CFAP299: variants seen among roughly 807,000 people sequenced by gnomAD.
The protein encoded by CFAP299 is cilia and flagella associated protein 299, also known as cilia- and flagella-associated protein 299.
CFAP299 carries 21 observed loss-of-function variants against 27.0 expected under a neutral mutation model. That is an observed-to-expected ratio of 0.78 (90% confidence interval 0.55 to 1.12). The LOEUF is 1.12. Ranked by LOEUF, CFAP299 falls within the 50% of genes most tolerant of loss-of-function variation. The pLI is 0.00. For missense variants in CFAP299, 310 were observed against 276.6 expected (o/e 1.12, Z -0.86); for synonymous variants, 104 against 98.1 (o/e 1.06, Z -0.36).
chr4:80,696,289 G>A (rs1325870548), intron 3 of CFAP299, among the ~76,000 whole-genome samples: 3 of 53,168 alleles, frequency 5.6e-5, no homozygotes, highest in African/African-American at 5.5e-5. Context: ...ACAGAGCTCC[G>A]TCTCAAAAAA....
intron 4 of CFAP299, among the ~76,000 whole-genome samples, chr4:80,886,353 C>T (rs1481154978): frequency 6.6e-6 from 1 of 152,170 alleles, no homozygotes; most frequent in African/African-American, 2.4e-5. Flanking sequence ...AGCACAGTTC[C>T]AATGATGGTG....
chr4:80,324,371 T>C, the CFAP299 span, among the ~76,000 whole-genome samples: 5 of 152,320 alleles, frequency 3.3e-5, no homozygotes, highest in South Asian at 1.0e-3. Flanking sequence ...GCAATCAATT[T>C]TTATTGTCAG....
chr4:80,518,138 A>C (rs2110171193), intron 2 of CFAP299, among the ~76,000 whole-genome samples: 1 of 152,240 alleles, frequency 6.6e-6, no homozygotes, highest in South Asian at 2.1e-4. Flanking sequence ...GGCAGAGATT[A>C]ATCTGAGAGA....
At chr4:80,689,366 G>A (rs576351231) in intron 3 of CFAP299, among the ~76,000 whole-genome samples, 2 of 152,332 alleles carry the variant, frequency 1.3e-5, no homozygotes, top group East Asian at 3.9e-4. Context: ...CTACAAGCCA[G>A]AACAGAGTGG....
At chr4:80,740,746 C>T (rs1316149383) in intron 3 of CFAP299, among the ~76,000 whole-genome samples, 3 of 152,188 alleles carry the variant, frequency 2.0e-5, no homozygotes, top group Admixed American at 2.0e-4. Flanking sequence ...AACGACAATG[C>T]AAAGTCTTTC....
At chr4:80,708,134 C>T (rs1415783891) in intron 3 of CFAP299, among the ~76,000 whole-genome samples, 1 of 152,004 alleles carries the variant, frequency 6.6e-6, no homozygotes. Flanking sequence ...AAGTGCAACT[C>T]TTGGCATGTT....
chr4:80,651,449 T>G (rs972804735), intron 3 of CFAP299, among the ~76,000 whole-genome samples: 13 of 151,000 alleles, frequency 8.6e-5, no homozygotes, highest in African/African-American at 3.2e-4. Context: ...CACTGAAGTC[T>G]CGACCTCCTG....
chr4:80,583,038 G>T, intron 2 of CFAP299, 55 bp from the exon 3 acceptor site: 1 of 1,161,454 alleles, frequency 8.6e-7, no homozygotes, highest in South Asian at 1.6e-5. Context: ...GCTCCAGAGT[G>T]TTGGAAACAT....
intron 3 of CFAP299, among the ~76,000 whole-genome samples, chr4:80,816,230 T>C (rs187984906): frequency 6.6e-6 from 1 of 152,046 alleles, no homozygotes; most frequent in South Asian, 2.1e-4. Flanking sequence ...GGCAGATAAT[T>C]TGTAAATGGT....
intron 4 of CFAP299, among the ~76,000 whole-genome samples, chr4:80,943,680 G>T (rs1004941255): frequency 1.3e-5 from 2 of 151,888 alleles, no homozygotes; most frequent in Non-Finnish European, 2.9e-5. Flanking sequence ...ATATATTGAG[G>T]ATTCTTTCAA....
At chr4:80,875,840 G>T (rs77154826) in intron 4 of CFAP299, among the ~76,000 whole-genome samples, 58 of 151,902 alleles carry the variant, frequency 3.8e-4, no homozygotes, top group African/African-American at 1.3e-3. Flanking sequence ...CTTCTTTTAG[G>T]CATTTGAGTT....
At chr4:80,533,467 C>G (rs1190435497) in intron 2 of CFAP299, among the ~76,000 whole-genome samples, 2 of 152,102 alleles carry the variant, frequency 1.3e-5, no homozygotes, top group Admixed American at 1.3e-4. Flanking sequence ...TTTTTTGCCA[C>G]TAAATCCCTT....
intron 3 of CFAP299, among the ~76,000 whole-genome samples, chr4:80,630,006 T>C (rs1739124384): frequency 6.6e-6 from 1 of 151,998 alleles, no homozygotes; most frequent in African/African-American, 2.4e-5. Context: ...GTGGAATAAA[T>C]TCTAGAATGA....
chr4:80,733,949 A>G (rs1337746337), intron 3 of CFAP299, among the ~76,000 whole-genome samples: 2 of 152,110 alleles, frequency 1.3e-5, no homozygotes, highest in Non-Finnish European at 2.9e-5. Flanking sequence ...TATCTCTTTG[A>G]TGTACCAATG....
chr4:80,658,531 C>T (rs1231993258), intron 3 of CFAP299, among the ~76,000 whole-genome samples: 1 of 152,112 alleles, frequency 6.6e-6, no homozygotes, highest in Non-Finnish European at 1.5e-5. Flanking sequence ...TTATGGATTA[C>T]ATTTATTGAT....
intron 4 of CFAP299, among the ~76,000 whole-genome samples, chr4:80,885,430 T>C (rs1733924791): frequency 6.6e-6 from 1 of 152,138 alleles, no homozygotes; most frequent in Non-Finnish European, 1.5e-5. Flanking sequence ...ATCCTAATCC[T>C]GGGCAGTGCA....
At chr4:80,608,479 G>C (rs1216003318) in intron 3 of CFAP299, 3 of 649,642 alleles carry the variant, frequency 4.6e-6, no homozygotes, top group East Asian at 5.6e-5. Flanking sequence ...TATTGCTACT[G>C]TTTTCCGAAT....
rs1725288473 is a variant in CFAP299, at chr4:80,757,250, AT to A, written c.334-112741del. Among the ~76,000 whole-genome samples the A allele has an allele frequency of 1.3e-5, 2 of 152,226 alleles. 1 individual carries two copies. The highest frequency in any genetic ancestry group is 4.1e-4 in the South Asian group (2 of 4,826). ...CTTTTTTTAAAAAAACAAAATTGTA[AT>A]TGGAAATAAAATGTAAGATATTTGA... On this transcript the variant is annotated intron_variant, in intron 3 of 5. Transcript: ENST00000358105.
intron 2 of CFAP299, among the ~76,000 whole-genome samples, chr4:80,496,476 G>C (rs1388468917): frequency 6.6e-6 from 1 of 152,130 alleles, no homozygotes; most frequent in Non-Finnish European, 1.5e-5. Flanking sequence ...TTCCATGTGA[G>C]ATCTCATCAG....
Sources: allele counts gnomAD v4.1 joint callset (sites outside exome capture counted in the v4.1 genomes callset), GRCh38; gene constraint gnomAD v4.1.1; transcripts MANE v1.5; gene names NCBI Gene and HGNC (gene_info 2026-07-23, HGNC 2026-07-21).